COG5: variants seen among roughly 807,000 people sequenced by gnomAD.
COG5 encodes conserved oligomeric Golgi complex subunit 5.
A neutral mutation model predicts 110.4 loss-of-function variants in COG5; 86 were observed. The observed-to-expected ratio is 0.78, with a 90% confidence interval of 0.65 to 0.93. The LOEUF (loss-of-function observed/expected upper bound fraction) is 0.93, where lower values mean the gene tolerates loss of function less well. Among genes scored for constraint, COG5 ranks in the 40% least tolerant of loss-of-function variants. The probability of loss-of-function intolerance (pLI) is 0.00; values close to 1 mark genes in which losing one functional copy is unlikely to be tolerated. For synonymous variants in COG5, 360 were observed against 334.6 expected (o/e 1.08, Z -0.83); for missense variants, 1,077 against 987.0 (o/e 1.09, Z -1.22).
At chr7:107,241,741 C>T (rs570021155) in intron 17 of COG5, among the ~76,000 whole-genome samples, 14 of 151,806 alleles carry the variant, frequency 9.2e-5, no homozygotes, top group East Asian at 3.9e-4. Context: ...CGTGAGCCAC[C>T]GCGCCCAGCC....
chr7:107,356,919 A>T (rs1812675974), intron 10 of COG5, among the ~76,000 whole-genome samples: 1 of 152,178 alleles, frequency 6.6e-6, no homozygotes, highest in African/African-American at 2.4e-5. Context: ...GTAGAGTAAG[A>T]AGAACATTCT....
chr7:107,521,660 T>C (rs968387219), intron 6 of COG5, among the ~76,000 whole-genome samples: 2 of 152,158 alleles, frequency 1.3e-5, no homozygotes, highest in African/African-American at 4.8e-5. Flanking sequence ...TGTGGAGAAA[T>C]AGGAATGCTT....
At chr7:107,367,184 A>T (rs967732035) in intron 8 of COG5, among the ~76,000 whole-genome samples, 5 of 152,098 alleles carry the variant, frequency 3.3e-5, no homozygotes, top group Non-Finnish European at 7.4e-5. Context: ...AAGTGTAAAT[A>T]AAAATTTATA....
chr7:107,431,645 T>C (rs1409681322), intron 6 of COG5, among the ~76,000 whole-genome samples: 3 of 152,182 alleles, frequency 2.0e-5, no homozygotes, highest in African/African-American at 7.2e-5. Flanking sequence ...ATTTTCTTTT[T>C]AATTTTTTTA....
intron 7 of COG5, among the ~76,000 whole-genome samples, chr7:107,393,475 G>A (rs1440176225): frequency 6.6e-6 from 1 of 152,198 alleles, no homozygotes; most frequent in African/African-American, 2.4e-5. Context: ...TAGACCTACT[G>A]ATTTTATTTT....
At chr7:107,294,900 T>A (rs1472493917) in intron 12 of COG5, among the ~76,000 whole-genome samples, 2 of 71,476 alleles carry the variant, frequency 2.8e-5, no homozygotes, top group Non-Finnish European at 6.7e-5. Flanking sequence ...TGTGTGTGTG[T>A]GTGTGTGTGT....
intron 11 of COG5, among the ~76,000 whole-genome samples, chr7:107,323,910 T>G (rs1449807736): frequency 6.6e-6 from 1 of 152,228 alleles, no homozygotes; most frequent in East Asian, 1.9e-4. Flanking sequence ...TTTCATTGTA[T>G]AGATCTACCA....
intron 8 of COG5, among the ~76,000 whole-genome samples, chr7:107,365,998 T>C (rs369162400): frequency 2.1e-4 from 32 of 151,832 alleles, no homozygotes; most frequent in Non-Finnish European, 4.0e-4. Context: ...AAAGCAACAA[T>C]AGACTTAACA....
intron 6 of COG5, among the ~76,000 whole-genome samples, chr7:107,510,088 A>G: frequency 6.9e-6 from 1 of 145,736 alleles, no homozygotes; most frequent in Non-Finnish European, 1.5e-5. Flanking sequence ...TGCTCCAATT[A>G]AAAGACACAG....
chr7:107,299,624 C>T (rs1296136760), intron 11 of COG5, among the ~76,000 whole-genome samples: 1 of 151,558 alleles, frequency 6.6e-6, no homozygotes. Context: ...CAATTCTATA[C>T]CAATTCCCAA....
chr7:107,307,096 C>A (rs1173753843), intron 11 of COG5, among the ~76,000 whole-genome samples: 2 of 152,206 alleles, frequency 1.3e-5, no homozygotes, highest in African/African-American at 4.8e-5. Context: ...CAGCCACTGT[C>A]CTGTTGCTCC....
chr7:107,313,212 A>G (rs978907897), intron 11 of COG5, among the ~76,000 whole-genome samples: 2 of 152,230 alleles, frequency 1.3e-5, no homozygotes, highest in Non-Finnish European at 2.9e-5. Context: ...TTCTCAATTA[A>G]AAGCTTGGGA....
At position 107,201,536 on chromosome 7, in the gene COG5, C is replaced by G; in HGVS notation, c.*1980G>C. ...CACCATTTGTCCTCAATTCGTGTGA[C>G]CATAAGATACTGATAGCATTGAGTC... On this transcript the variant is annotated 3_prime_UTR_variant, in exon 22 of 22. Transcript: ENST00000297135. 10 of 626,866 alleles carry G rather than the reference C, an allele frequency of 1.6e-5. No individual in the cohort carries two copies. The Middle Eastern group carries it at 2.6e-3, about 163-fold the overall frequency. The allele number at this position is 626,866 out of a possible 1,614,324, so 38.8% of individuals were successfully genotyped here.
chr7:107,516,428 G>T (rs553647860), intron 6 of COG5, among the ~76,000 whole-genome samples: 1 of 152,128 alleles, frequency 6.6e-6, no homozygotes, highest in Admixed American at 6.5e-5. Context: ...TTTTATTCTC[G>T]TAACAGTATC....
intron 10 of COG5, among the ~76,000 whole-genome samples, chr7:107,342,730 A>C (rs1047002872): frequency 6.6e-6 from 1 of 152,170 alleles, no homozygotes; most frequent in Non-Finnish European, 1.5e-5. Context: ...GATGCTGACG[A>C]GGCTGCAGAG....
chr7:107,304,748 C>T (rs1454783337), intron 11 of COG5, among the ~76,000 whole-genome samples: 2 of 152,216 alleles, frequency 1.3e-5, no homozygotes, highest in East Asian at 1.9e-4. Flanking sequence ...GTCTAGGAAA[C>T]TGGCTGCGGT....
At chr7:107,390,619 G>C (rs749459953) in intron 7 of COG5, among the ~76,000 whole-genome samples, 4 of 151,430 alleles carry the variant, frequency 2.6e-5, no homozygotes, top group Non-Finnish European at 5.9e-5. Flanking sequence ...TCACACTATA[G>C]ATCTACATAG....
intron 6 of COG5, among the ~76,000 whole-genome samples, chr7:107,498,187 G>A (rs999026265): frequency 1.3e-5 from 2 of 152,100 alleles, no homozygotes; most frequent in Admixed American, 6.6e-5. Flanking sequence ...CTCCTAGAAC[G>A]ACACGTGAGG....
intron 17 of COG5, among the ~76,000 whole-genome samples, chr7:107,238,549 GT>G (rs1801375937): frequency 6.6e-6 from 1 of 152,126 alleles, no homozygotes; most frequent in Admixed American, 6.5e-5. Context: ...TGGTAGTTCT[GT>G]TTTTAGTTTT....
Sources: gnomAD v4.1 joint callset for allele counts (sites outside exome capture counted in the v4.1 genomes callset) on GRCh38, gnomAD v4.1.1 for gene constraint, MANE v1.5 for transcripts, NCBI Gene and HGNC (gene_info 2026-07-23, HGNC 2026-07-21) for gene names.